The following TBC1D12 variants were observed in gnomAD, a reference collection of about 807,000 sequenced individuals.
TBC1D12 encodes the protein TBC1 domain family, member 12.
A neutral mutation model predicts 86.7 loss-of-function variants in TBC1D12; 56 were observed. That is an observed-to-expected ratio of 0.65 (90% confidence interval 0.52 to 0.81). TBC1D12 has a LOEUF of 0.81. Ranked by LOEUF, TBC1D12 falls within the 30% of genes least tolerant of loss-of-function variation. The pLI is 0.00. For synonymous variants in TBC1D12, 421 were observed against 411.7 expected (o/e 1.02, Z -0.27); for missense variants, 1,023 against 1,038.8 (o/e 0.98, Z 0.21).
At position 94,442,085 on chromosome 10, in the gene TBC1D12, T is replaced by G. The variant is rs745383976; in HGVS notation, c.1095+66T>G. On this transcript the variant is annotated intron_variant, in intron 2 of 12. Coordinates refer to ENST00000225235, the MANE Select transcript of TBC1D12 (RefSeq NM_015188.2). The stretch of plus-strand genomic sequence containing the variant: ...AAGCATTCTTCTTCTTCTTCTTCTT[T>G]TTTTTTTTTTTTTTAAACTAACCAT... 1.4e-3 allele frequency: 742 copies of G among 517,468 alleles called. 2 individuals carry two copies. The highest frequency in any genetic ancestry group is 1.7e-3 in the Non-Finnish European group (686 of 399,552). 32.1% of individuals were successfully genotyped at this position (517,468 alleles called of 1,614,324 possible).
chr10:94,516,686 C>A lies in TBC1D12; in HGVS notation c.1761+5032C>A, dbSNP rs570355695. ...TGCAGTGTTTGGTTTTTTGTTCTTG[C>A]GAACAGTTTGCTGAGAATGATGGTT... On this transcript the variant is annotated intron_variant, in intron 9 of 12. Transcript: ENST00000225235. 8.0e-5 allele frequency among the ~76,000 whole-genome samples: 12 copies of A among 150,226 alleles called. No individual in the cohort carries two copies. The Admixed American group carries it at 8.1e-4, about 10-fold the overall frequency.
At chr10:94,531,049 G>A (rs924015520) in intron 11 of TBC1D12, among the ~76,000 whole-genome samples, 153 bp from the exon 12 acceptor site, 10 of 151,826 alleles carry the variant, frequency 6.6e-5, no homozygotes, top group African/African-American at 2.4e-4. Flanking sequence ...TAGTAGAGAC[G>A]GGGTTTCACC....
intron 7 of TBC1D12, among the ~76,000 whole-genome samples, chr10:94,508,237 A>G (rs2056484639): frequency 6.7e-6 from 1 of 148,428 alleles, no homozygotes; most frequent in African/African-American, 2.5e-5. Flanking sequence ...AGCCTCTTAT[A>G]CTCTCTCTTT....
intron 2 of TBC1D12, among the ~76,000 whole-genome samples, chr10:94,472,077 C>T (rs948408124): frequency 1.3e-5 from 2 of 152,092 alleles, no homozygotes; most frequent in African/African-American, 4.8e-5. Context: ...CCCGATGAGC[C>T]TTTCACTGAA....
At chr10:94,481,045 CTTT>C (rs769709070) in intron 3 of TBC1D12, among the ~76,000 whole-genome samples, 14 of 126,940 alleles carry the variant, frequency 1.1e-4, no homozygotes, top group Admixed American at 3.3e-4. Context: ...TGAAAGGAAT[CTTT>C]TTTTTTTTTT....
At chr10:94,431,038 G>A (rs577511428) in intron 1 of TBC1D12, among the ~76,000 whole-genome samples, 106 of 152,148 alleles carry the variant, frequency 7.0e-4, no homozygotes, top group Non-Finnish European at 1.2e-3. Flanking sequence ...TGGGGTGGAG[G>A]ATGAATTTAA....
At chr10:94,524,728 T>TAAA (rs766662285) in intron 11 of TBC1D12, among the ~76,000 whole-genome samples, 1 of 130,814 alleles carries the variant, frequency 7.6e-6, no homozygotes. Context: ...GAGACTCCAT[T>TAAA]AAAAAAAAAA....
intron 1 of TBC1D12, among the ~76,000 whole-genome samples, chr10:94,403,992 G>A (rs114984425): frequency 4.8e-4 from 73 of 152,296 alleles, no homozygotes; most frequent in African/African-American, 1.7e-3. Context: ...TTGTTGGGGG[G>A]GTGGTGAGGG....
intron 9 of TBC1D12, among the ~76,000 whole-genome samples, chr10:94,519,329 A>G (rs575513832): frequency 2.0e-5 from 3 of 152,280 alleles, no homozygotes; most frequent in Admixed American, 1.3e-4. Context: ...ACAAACAAAC[A>G]TGGTGTGGTC....
intron 3 of TBC1D12, among the ~76,000 whole-genome samples, chr10:94,478,820 T>C (rs1406187833): frequency 1.3e-5 from 2 of 152,150 alleles, no homozygotes; most frequent in South Asian, 2.1e-4. Context: ...TGTCCAAAGC[T>C]GCTTTCTACC....
rs115666233 is a variant in TBC1D12 at position 94,486,352 on chromosome 10, G to T, written c.1212-7013G>T. On this transcript the variant is annotated intron_variant, in intron 3 of 12. Transcript: ENST00000225235. The stretch of plus-strand genomic sequence containing the variant: ...TTTTCTTTCACTAATTTTGGATTTG[G>T]TTTGCTCTAGCTTTTTTAGTTCCTT... 2.4e-3 allele frequency among the ~76,000 whole-genome samples: 370 copies of T among 151,048 alleles called. 2 individuals carry two copies. Among genetic ancestry groups the T allele is most frequent in the African/African-American group, 8.5e-3 (350 of 41,198 alleles).
chr10:94,442,064 A>G (rs576295374), intron 2 of TBC1D12, 45 bp downstream of exon 2: 74 of 1,504,548 alleles, frequency 4.9e-5, no homozygotes, highest in Middle Eastern at 1.8e-4. Context: ...CTTTTCAAGC[A>G]TTCTTCTTCT....
At chr10:94,452,120 A>G (rs898633379) in intron 2 of TBC1D12, among the ~76,000 whole-genome samples, 3 of 151,270 alleles carry the variant, frequency 2.0e-5, no homozygotes, top group African/African-American at 7.3e-5. Context: ...ATTTAAATAT[A>G]TGTATTTAAA....
rs1214459410 is a variant in TBC1D12, at chr10:94,522,354, A to G, written c.1901A>G (p.Tyr634Cys). ...TTTTTTAATCTTTAGATGTTGAAAT[A>G]TTTTGCAACATTTGAAGTATTCTTT... ...FRVDHSMMLK[Y>C]FATFEVFFEE... Residue 634 changes from tyrosine to cysteine, a missense_variant, in exon 11 of 13, where the codon TAT becomes TGT. Physicochemically the swap from Tyr to Cys is radical, Grantham distance 194. Coordinates refer to ENST00000225235, the MANE Select transcript of TBC1D12 (RefSeq NM_015188.2). The G allele has an allele frequency of 7.1e-7, 1 of 1,407,608 alleles. No individual in the cohort carries two copies. The highest frequency in any genetic ancestry group is 2.5e-5 in the East Asian group (1 of 39,876). The allele number at this position is 1,407,608 out of a possible 1,614,324, so 87.2% of individuals were successfully genotyped here. A position where few individuals can be genotyped will look rare whatever the true frequency, so the allele number is the denominator to read the frequency against.
At chr10:94,434,014 T>C (rs2055257705) in intron 1 of TBC1D12, among the ~76,000 whole-genome samples, 1 of 152,196 alleles carries the variant, frequency 6.6e-6, no homozygotes, top group African/African-American at 2.4e-5. Context: ...TTAGTATGGT[T>C]TCTGACCCAG....
At chr10:94,405,051 A>G (rs2054834839) in intron 1 of TBC1D12, among the ~76,000 whole-genome samples, 1 of 151,822 alleles carries the variant, frequency 6.6e-6, no homozygotes, top group Non-Finnish European at 1.5e-5. Context: ...TCTCTCAAAA[A>G]AAAAAAAAAA....
chr10:94,522,173 T>A, intron 10 of TBC1D12, 90 bp downstream of exon 10: 1 of 1,454,098 alleles, frequency 6.9e-7, no homozygotes. Flanking sequence ...AACAATCTAA[T>A]CTAATATAAA....
intron 1 of TBC1D12, among the ~76,000 whole-genome samples, chr10:94,413,221 C>T (rs921734155): frequency 3.9e-5 from 6 of 152,130 alleles, no homozygotes; most frequent in Non-Finnish European, 7.3e-5. Flanking sequence ...ACTTTGCTAG[C>T]CTTTACTTGG....
Position 94,403,291 on chromosome 10 carries a change from C to A in TBC1D12, c.678C>A (p.Ser226Arg), listed in dbSNP as rs1400080647. ...GSDSGDSPAS[S>R]CSSSEDSEQR... The stretch of plus-strand genomic sequence containing the variant: ...ACTCGGGGGACAGCCCCGCCAGCAG[C>A]TGCAGCAGTAGCGAGGACTCAGAGC... The change falls in exon 1 of 13, where the codon AGC becomes AGA. Residue 226 changes from serine (S) to arginine (R), a missense_variant. Transcript: ENST00000225235. 3 of 1,500,286 alleles carry A rather than the reference C, an allele frequency of 2.0e-6. No homozygotes were observed. Among genetic ancestry groups the A allele is most frequent in the Non-Finnish European group, 2.7e-6 (3 of 1,126,394 alleles). The allele number at this position is 1,500,286 out of a possible 1,614,324, so 92.9% of individuals were successfully genotyped here.
Sources: gnomAD v4.1 joint callset for allele counts (sites outside exome capture counted in the v4.1 genomes callset) on GRCh38, gnomAD v4.1.1 for gene constraint, MANE v1.5 for transcripts, NCBI Gene and HGNC (gene_info 2026-07-23, HGNC 2026-07-21) for gene names.